NIPBL: variants seen among roughly 807,000 people sequenced by gnomAD.
NIPBL encodes nipped-B-like protein.
In NIPBL, 19 loss-of-function variants were observed where a neutral mutation model predicts 321.8. The ratio of observed to expected loss-of-function variants is 0.06; its 90% CI spans 0.04 to 0.09. The LOEUF (loss-of-function observed/expected upper bound fraction) is 0.09, where lower values mean the gene tolerates loss of function less well. Ranked by LOEUF, NIPBL falls within the 10% of genes least tolerant of loss-of-function variation. NIPBL has a pLI of 1.00. For missense variants in NIPBL, 2,210 were observed against 3,327.0 expected (o/e 0.66, Z 8.26); for synonymous variants, 1,106 against 1,114.1 (o/e 0.99, Z 0.14).
In NIPBL at chr5:36,916,619, T is replaced by G. The variant is rs948961893; in HGVS notation, c.-79-36999T>G. ...GCACCCATTAACTCGTCATTTACAT[T>G]AGGTATATCTCCTAATGCTATCCCT... is the stretch of plus-strand genomic sequence containing the variant. On this transcript the variant is annotated intron_variant, in intron 1 of 46. Coordinates refer to ENST00000282516, the MANE Select transcript of NIPBL (RefSeq NM_133433.4). Among the ~76,000 whole-genome samples the G allele has an allele frequency of 3.9e-5, 6 of 152,276 alleles. No homozygotes were observed. The South Asian group carries it at 1.0e-3, about 26-fold the overall frequency.
rs1744670716 is a variant in NIPBL, at chr5:36,985,508, A to T, written c.2328A>T (p.Lys776Asn). The T allele has an allele frequency of 6.2e-7, 1 of 1,613,566 alleles. No homozygotes were observed. Among genetic ancestry groups the T allele is most frequent in the Non-Finnish European group, 8.5e-7 (1 of 1,179,912 alleles). Residue 776 changes from lysine (K) to asparagine (N), a missense_variant, in exon 10 of 47, where the codon AAA becomes AAT. By Grantham distance (94) the Lys-to-Asn change is moderately conservative. Coordinates refer to ENST00000282516, the MANE Select transcript of NIPBL (RefSeq NM_133433.4). Reference protein sequence around the residue: ...RDSGKPSTEKKPEVSKHKQDT... With the variant: ...RDSGKPSTEKNPEVSKHKQDT... ...CTGGAAAGCCATCTACAGAGAAAAAACCTGAAGTGTCTAAACATAAACAAG... is the reference window on the plus strand; with the variant it reads ...CTGGAAAGCCATCTACAGAGAAAAATCCTGAAGTGTCTAAACATAAACAAG...
intron 1 of NIPBL, among the ~76,000 whole-genome samples, chr5:36,919,364 C>T (rs933381698): frequency 4.0e-5 from 6 of 151,788 alleles, no homozygotes; most frequent in African/African-American, 1.4e-4. Context: ...TTCTCTCCTA[C>T]CTCTCTTTTT....
intron 38 of NIPBL, 77 bp from the exon 39 acceptor site, chr5:37,048,425 A>C: frequency 1.1e-6 from 1 of 914,326 alleles, no homozygotes; most frequent in South Asian, 2.6e-5. Context: ...CGTTTATATA[A>C]TTTATTAACA....
In NIPBL at chr5:36,976,256, C is replaced by T. The variant is rs759134070; in HGVS notation, c.1349C>T (p.Thr450Ile). The T allele has an allele frequency of 2.5e-6, 4 of 1,613,714 alleles. No individual in the cohort carries two copies. The Admixed American group carries it at 5.0e-5, about 20-fold the overall frequency. The change falls in exon 9 of 47, where the codon ACT becomes ATT. Residue 450 changes from threonine (T) to isoleucine (I), a missense_variant. Thr to Ile is a moderately conservative substitution (Grantham distance 89). Coordinates refer to ENST00000282516, the MANE Select transcript of NIPBL (RefSeq NM_133433.4). ...NTSVAAKQPQ[T>I]SVVQNQQQIS... ...TCAGTTGCTGCAAAACAACCCCAGA[C>T]TTCTGTGGTACAGAATCAACAACAG...
At chr5:36,895,242 G>T (rs1253358660) in intron 1 of NIPBL, among the ~76,000 whole-genome samples, 1 of 152,096 alleles carries the variant, frequency 6.6e-6, no homozygotes, top group Non-Finnish European at 1.5e-5. Flanking sequence ...CAAATAATGT[G>T]CCCTTTTGTG....
rs139457560 is a variant in NIPBL, at chr5:36,926,109, CTG to C, written c.-79-27506_-79-27505del. 1.8e-4 allele frequency among the ~76,000 whole-genome samples: 28 copies of C among 152,300 alleles called. No individual in the cohort carries two copies. The East Asian group carries it at 4.4e-3, about 24-fold the overall frequency. ...CCTGACTTAATTCCTTTGGCTCACTCTGTGAATTCTTTACCACTTTTGAACAC... is the reference window on the plus strand; with the variant it reads ...CCTGACTTAATTCCTTTGGCTCACTCTGAATTCTTTACCACTTTTGAACAC... On this transcript the variant is annotated intron_variant, in intron 1 of 46. Transcript: ENST00000282516.
intron 10 of NIPBL, among the ~76,000 whole-genome samples, chr5:36,990,720 A>G (rs1013632489): frequency 2.0e-5 from 3 of 152,190 alleles, no homozygotes; most frequent in African/African-American, 4.8e-5. Flanking sequence ...TTTCCAAAGT[A>G]TGCTTAATAG....
intron 1 of NIPBL, among the ~76,000 whole-genome samples, chr5:36,903,401 G>T (rs1747383024): frequency 6.6e-6 from 1 of 152,006 alleles, no homozygotes; most frequent in Non-Finnish European, 1.5e-5. Flanking sequence ...GTTGGCTGTG[G>T]GTTTGCTATA....
intron 3 of NIPBL, among the ~76,000 whole-genome samples, chr5:36,957,653 A>G (rs944397014): frequency 1.3e-5 from 2 of 152,124 alleles, no homozygotes; most frequent in African/African-American, 2.4e-5. Flanking sequence ...TATTTTTGAT[A>G]ATTATATTTC....
chr5:36,972,097 G>T, intron 8 of NIPBL, 56 bp downstream of exon 8: 2 of 1,151,612 alleles, frequency 1.7e-6, no homozygotes, highest in South Asian at 1.3e-5. Flanking sequence ...GTTGAATAAA[G>T]AACTCAGACT....
In NIPBL at chr5:37,000,520, C is replaced by T. The variant is rs1746665222; in HGVS notation, c.3452C>T (p.Pro1151Leu). 6.2e-7 allele frequency: 1 copy of T among 1,613,402 alleles called. No homozygotes were observed. Residue 1151 changes from proline (P) to leucine (L), a missense_variant, in exon 12 of 47, where the codon CCG (proline) becomes CTG (leucine). Pro to Leu is a moderately conservative substitution (Grantham distance 98, BLOSUM62 -3). This residue lies in a region of NIPBL where 381 missense variants were observed against 642.3 expected (regional missense o/e 0.59). Coordinates refer to ENST00000282516, the MANE Select transcript of NIPBL (RefSeq NM_133433.4). ...GGTGGTCGTTATCGAAACCGAAGTC[C>T]GTCAGATTCTGACATGGAAGATTAT... ...SGGGRYRNRS[P>L]SDSDMEDYSP... is the part of the protein sequence containing the mutation.
At chr5:37,055,537 A>G (rs950949720) in intron 42 of NIPBL, among the ~76,000 whole-genome samples, 5 of 152,070 alleles carry the variant, frequency 3.3e-5, no homozygotes, top group Non-Finnish European at 7.4e-5. Context: ...TGAGGAGTAC[A>G]TAAAAAGGGA....
intron 1 of NIPBL, among the ~76,000 whole-genome samples, chr5:36,923,912 T>C (rs1749148613): frequency 6.6e-6 from 1 of 152,228 alleles, no homozygotes; most frequent in African/African-American, 2.4e-5. Flanking sequence ...TTTGAGTGAA[T>C]GAATTCCTGT....
intron 1 of NIPBL, among the ~76,000 whole-genome samples, chr5:36,949,436 T>G (rs751621283): frequency 6.6e-6 from 1 of 151,882 alleles, no homozygotes; most frequent in Non-Finnish European, 1.5e-5. Flanking sequence ...ATTTATCTTC[T>G]CTGTACATCA....
At chr5:36,890,241 T>C (rs190963116) in intron 1 of NIPBL, among the ~76,000 whole-genome samples, 46 of 150,420 alleles carry the variant, frequency 3.1e-4, no homozygotes, top group African/African-American at 1.1e-3. Flanking sequence ...AACATCTTTA[T>C]ATGTAGTTTT....
chr5:36,905,463 A>G (rs1361254232), intron 1 of NIPBL, among the ~76,000 whole-genome samples: 1 of 152,124 alleles, frequency 6.6e-6, no homozygotes, highest in Non-Finnish European at 1.5e-5. Context: ...ACCTTCTTAA[A>G]TTTAGTTTTA....
intron 14 of NIPBL, 92 bp from the exon 15 acceptor site, chr5:37,002,570 G>A (rs1746947037): frequency 1.2e-6 from 1 of 843,292 alleles, no homozygotes; most frequent in African/African-American, 1.7e-5. Context: ...TAGTTTGCAT[G>A]TCTAAAAATT....
At chr5:37,057,649 T>C (rs1302626349) in intron 43 of NIPBL, among the ~76,000 whole-genome samples, 1 of 152,240 alleles carries the variant, frequency 6.6e-6, no homozygotes, top group East Asian at 1.9e-4. Context: ...TTTAAAACAT[T>C]ATTCTGTAAA....
At position 37,000,419 on chromosome 5, in the gene NIPBL, T is replaced by C; in HGVS notation, c.3351T>C (p.Tyr1117=). ...AAGATGATGATAAAGCTTGGGAATATGAAGAGCGTGACAGAAGAAGCTCTG... is the reference window on the plus strand; with the variant it reads ...AAGATGATGATAAAGCTTGGGAATACGAAGAGCGTGACAGAAGAAGCTCTG... ...HKKDDDKAWE[Y]EERDRRSSGD... Residue 1117 remains tyrosine, a synonymous_variant, in exon 12 of 47, where the codon TAT becomes TAC. Transcript: ENST00000282516. 1 of 1,613,344 alleles carries C rather than the reference T, an allele frequency of 6.2e-7. No individual in the cohort carries two copies. The highest frequency in any genetic ancestry group is 8.5e-7 in the Non-Finnish European group (1 of 1,179,502).
Sources: gnomAD v4.1 joint callset for allele counts (sites outside exome capture counted in the v4.1 genomes callset) on GRCh38, gnomAD v4.1.1 for gene constraint, gnomAD v4.1.1 regional missense constraint, MANE v1.5 for transcripts, NCBI Gene and HGNC (gene_info 2026-07-23, HGNC 2026-07-21) for gene names.